Variants in STX6 observed in about 807,000 individuals in gnomAD.
STX6 encodes the protein syntaxin-6.
A neutral mutation model predicts 38.0 loss-of-function variants in STX6; 23 were observed. The observed-to-expected ratio is 0.60, with a 90% CI of 0.43 to 0.86. The LOEUF (loss-of-function observed/expected upper bound fraction) is 0.86, where lower values mean the gene tolerates loss of function less well. Among genes scored for constraint, STX6 ranks in the 40% least tolerant of loss-of-function variants. The pLI, the probability that STX6 is intolerant of heterozygous loss-of-function variation, is 0.00. For synonymous variants in STX6, 123 were observed against 107.5 expected, an observed-to-expected ratio of 1.14 and a Z score of -0.89; for missense variants, 274 against 312.9, an observed-to-expected ratio of 0.88 and a Z score of 0.94.
chr1:180,994,835 C>T (rs1213432231), intron 3 of STX6, among the ~76,000 whole-genome samples: 2 of 152,072 alleles, frequency 1.3e-5, no homozygotes, highest in East Asian at 1.9e-4. Flanking sequence ...CAAATGTTTG[C>T]AGCATAAATG....
At chr1:181,016,948 G>A (rs993774905) in intron 1 of STX6, among the ~76,000 whole-genome samples, 8 of 151,988 alleles carry the variant, frequency 5.3e-5, no homozygotes, top group Middle Eastern at 3.4e-3. Context: ...CTATCCGGGC[G>A]TGATGGCGGG....
chr1:180,984,017 T>C (rs1445993485), intron 7 of STX6, among the ~76,000 whole-genome samples: 1 of 117,812 alleles, frequency 8.5e-6, no homozygotes, highest in East Asian at 2.8e-4. Flanking sequence ...TGAGCCGAGA[T>C]TACGCCACTG....
At chr1:180,985,154 AC>A (rs1453645155) in intron 6 of STX6, among the ~76,000 whole-genome samples, 3 of 148,698 alleles carry the variant, frequency 2.0e-5, no homozygotes, top group African/African-American at 4.9e-5. Flanking sequence ...GAAAAAAAAA[AC>A]AACGAGATTT....
chr1:181,005,226 C>G, intron 2 of STX6, 68 bp downstream of exon 2: 1 of 1,551,496 alleles, frequency 6.4e-7, no homozygotes, highest in Non-Finnish European at 8.7e-7. Flanking sequence ...ATACTGGAAA[C>G]AACTGGAGAA....
At chr1:181,014,223 G>A (rs765706217) in intron 1 of STX6, among the ~76,000 whole-genome samples, 14 of 151,846 alleles carry the variant, frequency 9.2e-5, no homozygotes, top group Admixed American at 2.6e-4. Context: ...CAGTCAAACC[G>A]TCTCTACTAA....
chr1:181,009,597 C>A (rs148251197), intron 1 of STX6, among the ~76,000 whole-genome samples: 3 of 151,944 alleles, frequency 2.0e-5, no homozygotes, highest in Non-Finnish European at 4.4e-5. Flanking sequence ...CAATTACATA[C>A]TACTACATAT....
At chr1:180,993,597 G>C (rs1655816951) in intron 3 of STX6, among the ~76,000 whole-genome samples, 172 bp from the exon 4 acceptor site, 1 of 152,112 alleles carries the variant, frequency 6.6e-6, no homozygotes, top group South Asian at 2.1e-4. Context: ...TAAAAAGAAA[G>C]ATGGTCCCTT....
At position 180,986,827 on chromosome 1, in the gene STX6, A is replaced by G. The variant is rs540458242; in HGVS notation, c.596+1412T>C. ...TTTAACTGGAAGTCCCTCTGACTCT[A>G]TTACCCACTGCCCAGCCAGGCTGCC... On this transcript the variant is annotated intron_variant, in intron 6 of 7. Coordinates refer to ENST00000258301, the MANE Select transcript of STX6 (RefSeq NM_005819.6). Among the ~76,000 whole-genome samples the G allele has an allele frequency of 3.9e-5, 6 of 152,196 alleles. No individual in the cohort carries two copies. The South Asian group carries it at 1.2e-3, about 32-fold the overall frequency.
chr1:180,982,419 GCT>G (rs1176066690), intron 7 of STX6, among the ~76,000 whole-genome samples: 2 of 152,210 alleles, frequency 1.3e-5, no homozygotes, highest in African/African-American at 2.4e-5. Flanking sequence ...CAGGATAAAT[GCT>G]CTGTTTCCTG....
At chr1:180,981,266 T>A (rs997315341) in intron 7 of STX6, among the ~76,000 whole-genome samples, 3 of 152,096 alleles carry the variant, frequency 2.0e-5, no homozygotes, top group Non-Finnish European at 2.9e-5. Context: ...AAGTTATGCA[T>A]GGGGGAAGGG....
intron 2 of STX6, among the ~76,000 whole-genome samples, chr1:181,004,710 G>A (rs944998862): frequency 2.0e-5 from 3 of 152,066 alleles, no homozygotes; most frequent in South Asian, 2.1e-4. Context: ...ACTGTTTCCC[G>A]GAGTTCTGTG....
chr1:181,015,670 C>CT (rs879761357), intron 1 of STX6, among the ~76,000 whole-genome samples: 2,308 of 142,494 alleles, frequency 0.016, 20 homozygotes, highest in African/African-American at 0.026. Context: ...CCACACAAAT[C>CT]TTTTTTTTTT....
chr1:180,988,386 C>T, intron 5 of STX6, 41 bp from the exon 6 acceptor site: 1 of 1,522,860 alleles, frequency 6.6e-7, no homozygotes, highest in Non-Finnish European at 9.1e-7. Context: ...TAAAATCCAT[C>T]TTACCTGGTT....
intron 1 of STX6, among the ~76,000 whole-genome samples, chr1:181,018,894 C>G (rs1190353090): frequency 6.6e-6 from 1 of 152,188 alleles, no homozygotes; most frequent in African/African-American, 2.4e-5. Flanking sequence ...TAACTTGACC[C>G]TATTTTACCT....
At chr1:180,986,386 A>G (rs1413852939) in intron 6 of STX6, among the ~76,000 whole-genome samples, 1 of 152,244 alleles carries the variant, frequency 6.6e-6, no homozygotes, top group African/African-American at 2.4e-5. Context: ...ATATTTTTCT[A>G]TATGAAGTCT....
At chr1:180,987,513 C>A (rs1246317370) in intron 6 of STX6, among the ~76,000 whole-genome samples, 1 of 152,232 alleles carries the variant, frequency 6.6e-6, no homozygotes, top group Non-Finnish European at 1.5e-5. Flanking sequence ...CGGTGTAGAA[C>A]ACGGGCCCAC....
chr1:181,014,187 G>C (rs1381046823), intron 1 of STX6, among the ~76,000 whole-genome samples: 2 of 152,156 alleles, frequency 1.3e-5, no homozygotes, highest in Admixed American at 1.3e-4. Context: ...CACCAGGTCA[G>C]GAGTTCGAGA....
intron 1 of STX6, among the ~76,000 whole-genome samples, chr1:181,020,533 G>A (rs1656696221): frequency 6.6e-6 from 1 of 152,202 alleles, no homozygotes; most frequent in African/African-American, 2.4e-5. Flanking sequence ...ACAGCTGAAA[G>A]AGGAAATGAG....
intron 4 of STX6, among the ~76,000 whole-genome samples, chr1:180,990,374 C>T (rs1456557903): frequency 1.3e-5 from 2 of 152,142 alleles, no homozygotes; most frequent in Non-Finnish European, 2.9e-5. Context: ...TCTGCTAAAT[C>T]AACAAACACC....
Sources: gnomAD v4.1 joint callset for allele counts (sites outside exome capture counted in the v4.1 genomes callset) on GRCh38, gnomAD v4.1.1 for gene constraint, MANE v1.5 for transcripts, NCBI Gene and HGNC (gene_info 2026-07-23, HGNC 2026-07-21) for gene names.